The following EPHA5 variants were observed in gnomAD, a reference collection of about 807,000 sequenced individuals.
The protein encoded by EPHA5 is EPH receptor A5, also known as ephrin type-A receptor 5.
EPHA5 carries 60 observed loss-of-function variants against 105.0 expected under a neutral mutation model. The ratio of observed to expected loss-of-function variants is 0.57; its 90% CI spans 0.46 to 0.71. The LOEUF is 0.71. EPHA5 is among the 30% of genes least tolerant of loss of function. The pLI, the probability that EPHA5 is intolerant of heterozygous loss-of-function variation, is 0.00. For missense variants in EPHA5, 1,218 were observed against 1,274.7 expected, an observed-to-expected ratio of 0.96 and a Z score of 0.68; for synonymous variants, 513 against 449.1, an observed-to-expected ratio of 1.14 and a Z score of -1.80.
chr4:65,533,850 C>G (rs1736050260), intron 3 of EPHA5, among the ~76,000 whole-genome samples: 1 of 151,932 alleles, frequency 6.6e-6, no homozygotes, highest in South Asian at 2.1e-4. Context: ...AGGAGAGTCA[C>G]TTGAACCTGG....
At chr4:65,457,045 G>A (rs912910543) in intron 5 of EPHA5, among the ~76,000 whole-genome samples, 1 of 148,602 alleles carries the variant, frequency 6.7e-6, no homozygotes, top group South Asian at 2.2e-4. Flanking sequence ...CCTGAGAACT[G>A]ACCTCCTTAT....
chr4:65,558,276 G>A (rs1371968874), intron 3 of EPHA5, among the ~76,000 whole-genome samples: 1 of 152,048 alleles, frequency 6.6e-6, no homozygotes, highest in Non-Finnish European at 1.5e-5. Context: ...TATTGGTAAT[G>A]GTAACAGATC....
intron 5 of EPHA5, among the ~76,000 whole-genome samples, chr4:65,421,304 A>AT (rs1723925043): frequency 6.6e-6 from 1 of 152,100 alleles, no homozygotes; most frequent in Non-Finnish European, 1.5e-5. Flanking sequence ...AGTTCTTTTT[A>AT]TCAATCTGCT....
intron 5 of EPHA5, among the ~76,000 whole-genome samples, chr4:65,485,478 A>T (rs1730792476): frequency 6.6e-6 from 1 of 152,168 alleles, no homozygotes; most frequent in Non-Finnish European, 1.5e-5. Flanking sequence ...TTTCCTTAAA[A>T]TTTTGTAGCT....
chr4:65,496,920 C>T (rs1432317333), intron 3 of EPHA5, among the ~76,000 whole-genome samples: 1 of 152,134 alleles, frequency 6.6e-6, no homozygotes, highest in Non-Finnish European at 1.5e-5. Flanking sequence ...TTTCTATGAG[C>T]ATTTCTAAGC....
chr4:65,578,008 T>A (rs1036409414), intron 3 of EPHA5, among the ~76,000 whole-genome samples: 12 of 152,216 alleles, frequency 7.9e-5, no homozygotes, highest in Admixed American at 2.0e-4. Flanking sequence ...ATTTTCTGAA[T>A]AAGTGAATAC....
At chr4:65,606,382 CAT>C (rs766360997) in intron 2 of EPHA5, among the ~76,000 whole-genome samples, 5 of 152,072 alleles carry the variant, frequency 3.3e-5, no homozygotes, top group African/African-American at 9.7e-5. Context: ...ATAATTCAAA[CAT>C]ATTGAATAAA....
intron 1 of EPHA5, 145 bp from the exon 2 acceptor site, chr4:65,643,572 A>G: frequency 1.9e-6 from 1 of 534,320 alleles, no homozygotes; most frequent in Non-Finnish European, 3.3e-6. Flanking sequence ...GGTATAATTT[A>G]AAGAAAATAT....
intron 5 of EPHA5, among the ~76,000 whole-genome samples, chr4:65,479,542 G>A (rs907438188): frequency 2.0e-5 from 3 of 152,118 alleles, no homozygotes; most frequent in African/African-American, 7.2e-5. Flanking sequence ...TGAAACTAGT[G>A]TTATTGTTTT....
chr4:65,439,419 C>T (rs1486820438), intron 5 of EPHA5, among the ~76,000 whole-genome samples: 1 of 151,818 alleles, frequency 6.6e-6, no homozygotes, highest in Non-Finnish European at 1.5e-5. Context: ...CGCTGTTCCA[C>T]ATCTCCACCC....
intron 1 of EPHA5, among the ~76,000 whole-genome samples, chr4:65,649,589 T>A (rs2149525519): frequency 6.6e-6 from 1 of 152,312 alleles, no homozygotes; most frequent in African/African-American, 2.4e-5. Context: ...CCAGTAAATG[T>A]CCTATCTCTG....
At chr4:65,663,402 A>T (rs994842083) in intron 1 of EPHA5, among the ~76,000 whole-genome samples, 1 of 152,016 alleles carries the variant, frequency 6.6e-6, no homozygotes, top group South Asian at 2.1e-4. Flanking sequence ...GTTTTCTTTT[A>T]TGACTTTGTA....
intron 8 of EPHA5, among the ~76,000 whole-genome samples, chr4:65,392,924 C>T (rs1398858950): frequency 2.0e-5 from 3 of 151,892 alleles, no homozygotes; most frequent in Non-Finnish European, 2.9e-5. Flanking sequence ...ACTTACTGGC[C>T]GGCAGAAGAG....
chr4:65,452,927 G>C (rs1055832654), intron 5 of EPHA5, among the ~76,000 whole-genome samples: 47 of 152,116 alleles, frequency 3.1e-4, no homozygotes, highest in African/African-American at 1.1e-3. Context: ...TGCTGACTTG[G>C]TCAGCATTCT....
rs901416144 is a variant in EPHA5, at chr4:65,576,016, A to G, written c.910+25625T>C. Among the ~76,000 whole-genome samples the G allele has an allele frequency of 9.3e-3, 942 of 101,154 alleles. 24 individuals carry two copies. The highest frequency in any genetic ancestry group is 0.033 in the African/African-American group (889 of 26,972). The allele number at this position is 101,154 out of a possible 152,430, so 66.4% of individuals were successfully genotyped here. The stretch of plus-strand genomic sequence containing the variant: ...AGAGAGAGAGAGAAAGAAAGAAAGA[A>G]AGAAAGAAAGAAAGAAAGAAAGAAA... On this transcript the variant is annotated intron_variant, in intron 3 of 16. Transcript: ENST00000613740.
intron 3 of EPHA5, among the ~76,000 whole-genome samples, chr4:65,562,830 G>C (rs1578430412): frequency 6.6e-6 from 1 of 151,968 alleles, no homozygotes; most frequent in South Asian, 2.1e-4. Context: ...GCCAGGTGTG[G>C]TGGTACATGC....
intron 5 of EPHA5, among the ~76,000 whole-genome samples, chr4:65,435,141 G>A (rs901965671): frequency 6.6e-6 from 1 of 151,984 alleles, no homozygotes; most frequent in Admixed American, 6.6e-5. Context: ...AACACTGGTC[G>A]TAAACTATAT....
intron 1 of EPHA5, among the ~76,000 whole-genome samples, chr4:65,656,337 C>T (rs1749059062): frequency 2.6e-5 from 4 of 151,236 alleles, no homozygotes; most frequent in Non-Finnish European, 4.4e-5. Flanking sequence ...GATGAACTGA[C>T]AGGTTTTCTA....
chr4:65,582,566 C>T (rs937011025), intron 3 of EPHA5, among the ~76,000 whole-genome samples: 2 of 151,206 alleles, frequency 1.3e-5, no homozygotes, highest in African/African-American at 4.8e-5. Flanking sequence ...AACTGAAGTG[C>T]TTTCTTGAAG....
Sources: allele counts gnomAD v4.1 joint callset (sites outside exome capture counted in the v4.1 genomes callset), GRCh38; gene constraint gnomAD v4.1.1; transcripts MANE v1.5; gene names NCBI Gene and HGNC (gene_info 2026-07-23, HGNC 2026-07-21).